NRG1: variants seen among roughly 807,000 people sequenced by gnomAD.
The protein encoded by NRG1 is neuregulin 1.
In NRG1, 18 loss-of-function variants were observed where a neutral mutation model predicts 63.8. The ratio of observed to expected loss-of-function variants is 0.28; its 90% CI spans 0.19 to 0.42. The LOEUF is 0.42. NRG1 is among the 10% of genes least tolerant of loss of function. The pLI, the probability that NRG1 is intolerant of heterozygous loss-of-function variation, is 1.00. For missense variants in NRG1, 762 were observed against 814.7 expected, an observed-to-expected ratio of 0.94 and a Z score of 0.79; for synonymous variants, 302 against 301.3, an observed-to-expected ratio of 1.00 and a Z score of -0.02.
chr8:32,588,964 A>C (rs1343062848), intron 1 of NRG1, among the ~76,000 whole-genome samples: 1 of 152,190 alleles, frequency 6.6e-6, no homozygotes, highest in Admixed American at 6.5e-5. Flanking sequence ...GCTAGAGCAC[A>C]GGGCGGGGTG....
chr8:32,115,632 C>G (rs1270146653), intron 1 of NRG1, among the ~76,000 whole-genome samples: 5 of 152,060 alleles, frequency 3.3e-5, no homozygotes. Flanking sequence ...TAAGTGGACC[C>G]ACGCAGTTCA....
chr8:32,764,932 C>T (rs542675843), exon 12 of NRG1: 6 of 152,202 alleles, frequency 3.9e-5, no homozygotes, highest in Non-Finnish European at 8.8e-5. Flanking sequence ...TCATTGGGCT[C>T]TGAGATAATA....
At chr8:32,296,369 C>A (rs1197074808) in intron 1 of NRG1, among the ~76,000 whole-genome samples, 1 of 152,124 alleles carries the variant, frequency 6.6e-6, no homozygotes, top group Non-Finnish European at 1.5e-5. Flanking sequence ...AGGGGTGGAT[C>A]ACCTGAGGTC....
intron 1 of NRG1, among the ~76,000 whole-genome samples, chr8:32,242,629 C>CA (rs946213870): frequency 6.6e-6 from 1 of 152,082 alleles, no homozygotes; most frequent in African/African-American, 2.4e-5. Flanking sequence ...ATTAAAATGA[C>CA]AAAAACCACA....
At position 32,550,263 on chromosome 8, in the gene NRG1, C is replaced by T. The variant is rs1442960155; in HGVS notation, c.100+1437C>T. ...TGTATTGAATTTTCCCTTATTTTTA[C>T]CCTATATTTTGGGGAGAGACCATAG... On this transcript the variant is annotated intron_variant, in intron 1 of 11. Coordinates refer to ENST00000356819, the Ensembl canonical transcript of NRG1. Among the ~76,000 whole-genome samples the T allele has an allele frequency of 2.0e-5, 3 of 152,072 alleles. No homozygotes were observed. In the East Asian group the frequency reaches 5.8e-4, roughly 29 times the overall value.
At chr8:32,646,636 C>A (rs1318527394) in intron 5 of NRG1, 4 of 961,982 alleles carry the variant, frequency 4.2e-6, no homozygotes, top group Non-Finnish European at 4.9e-6. Flanking sequence ...AGGAAAGAGA[C>A]TGAAAGCTGG....
chr8:32,144,067 G>A (rs1173610217), intron 1 of NRG1, among the ~76,000 whole-genome samples: 4 of 152,350 alleles, frequency 2.6e-5, no homozygotes, highest in Admixed American at 1.3e-4. Context: ...GTTGGAGCCT[G>A]CTGGGGAACA....
intron 5 of NRG1, among the ~76,000 whole-genome samples, chr8:32,617,988 A>G (rs1384167255): frequency 6.6e-6 from 1 of 152,178 alleles, no homozygotes; most frequent in East Asian, 1.9e-4. Flanking sequence ...ATTTAACTGG[A>G]TTGATGGCAA....
chr8:32,600,434 GT>G (rs1844145545), intron 2 of NRG1, among the ~76,000 whole-genome samples: 1 of 152,026 alleles, frequency 6.6e-6, no homozygotes, highest in African/African-American at 2.4e-5. Context: ...ATGTGTTTAA[GT>G]TGCCTTAGCC....
chr8:32,508,710 T>C (rs1189196379), intron 1 of NRG1, among the ~76,000 whole-genome samples: 1 of 152,144 alleles, frequency 6.6e-6, no homozygotes, highest in Non-Finnish European at 1.5e-5. Flanking sequence ...GTATATACTT[T>C]GTGGTTTTGT....
intron 1 of NRG1, among the ~76,000 whole-genome samples, chr8:32,425,031 G>T (rs185554751): frequency 6.6e-6 from 1 of 152,180 alleles, no homozygotes; most frequent in African/African-American, 2.4e-5. Context: ...TTATTGAAAA[G>T]CAGCTATTGT....
rs920280516 is a variant in NRG1, at chr8:31,895,279, G to A, written c.37+255848G>A. Among the ~76,000 whole-genome samples, 3 of 152,200 alleles carry A rather than the reference G, an allele frequency of 2.0e-5. No individual in the cohort carries two copies. In the East Asian group the frequency reaches 5.8e-4, roughly 29 times the overall value. ...AAAGCCAGGTCCCCAAAGAAGTCAGGGGTTTTTGTGTTACCCACAACTTGG... is the reference window on the plus strand; with the variant it reads ...AAAGCCAGGTCCCCAAAGAAGTCAGAGGTTTTTGTGTTACCCACAACTTGG... On this transcript the variant is annotated intron_variant, in intron 1 of 10. Transcript: ENST00000519301.
At chr8:32,040,778 TTTCA>T (rs1819901588) in intron 1 of NRG1, among the ~76,000 whole-genome samples, 2 of 128,772 alleles carry the variant, frequency 1.6e-5, no homozygotes, top group Non-Finnish European at 3.1e-5. Flanking sequence ...TGCGCCTAAA[TTTCA>T]GCACTAAATA....
At chr8:32,653,226 TGGAA>T (rs1855539742) in intron 5 of NRG1, among the ~76,000 whole-genome samples, 1 of 152,242 alleles carries the variant, frequency 6.6e-6, no homozygotes, top group African/African-American at 2.4e-5. Flanking sequence ...TATATGACAG[TGGAA>T]AACAGTAGAG....
At chr8:31,659,037 G>T (rs887264275) in intron 1 of NRG1, among the ~76,000 whole-genome samples, 2 of 152,112 alleles carry the variant, frequency 1.3e-5, no homozygotes, top group African/African-American at 4.8e-5. Flanking sequence ...AAATTCCCAG[G>T]TCACCTTCAG....
At chr8:32,645,391 T>G (rs1853303532) in intron 5 of NRG1, among the ~76,000 whole-genome samples, 1 of 152,228 alleles carries the variant, frequency 6.6e-6, no homozygotes, top group Non-Finnish European at 1.5e-5. Context: ...CTTGTCATAG[T>G]CATGGTTACA....
At chr8:32,547,077 A>T (rs576712638), upstream of NRG1, among the ~76,000 whole-genome samples, 3 of 152,322 alleles carry the variant, frequency 2.0e-5, no homozygotes, top group Non-Finnish European at 4.4e-5. Flanking sequence ...CCACAACACA[A>T]GAGTATTTCA....
chr8:32,772,821 G>GAATAATA (rs1831896782), downstream of NRG1, among the ~76,000 whole-genome samples: 1 of 152,136 alleles, frequency 6.6e-6, no homozygotes, highest in Admixed American at 6.5e-5. Context: ...ATAAGAAAGA[G>GAATAATA]AGAAAATGCT....
At chr8:32,167,897 G>A (rs1839569242) in intron 1 of NRG1, among the ~76,000 whole-genome samples, 2 of 152,194 alleles carry the variant, frequency 1.3e-5, no homozygotes, top group Admixed American at 6.5e-5. Context: ...GCTAAAATCA[G>A]CAAGGGAATG....
Sources: gnomAD v4.1 joint callset for allele counts (sites outside exome capture counted in the v4.1 genomes callset) on GRCh38, gnomAD v4.1.1 for gene constraint, MANE v1.5 for transcripts, NCBI Gene and HGNC (gene_info 2026-07-23, HGNC 2026-07-21) for gene names.